Variants in PDE10A observed in about 807,000 individuals in gnomAD.
PDE10A encodes the protein phosphodiesterase 10A, also known as cAMP and cAMP-inhibited cGMP 3',5'-cyclic phosphodiesterase 10A.
A neutral mutation model predicts 97.7 loss-of-function variants in PDE10A; 39 were observed. The observed-to-expected ratio is 0.40, with a 90% confidence interval of 0.31 to 0.52. PDE10A has a LOEUF of 0.52. Ranked by LOEUF, PDE10A falls within the 20% of genes least tolerant of loss-of-function variation. The pLI is 0.56. For synonymous variants in PDE10A, 371 were observed against 376.8 expected (o/e 0.98, Z 0.18); for missense variants, 731 against 1,047.8 (o/e 0.70, Z 4.17).
intron 1 of PDE10A, among the ~76,000 whole-genome samples, chr6:165,551,616 T>C (rs1008054652): frequency 4.6e-5 from 7 of 152,202 alleles, no homozygotes; most frequent in African/African-American, 1.7e-4. Context: ...AGGGTTGGAA[T>C]GAAGATATAA....
chr6:165,799,950 A>T (rs1247164680), intron 1 of PDE10A, among the ~76,000 whole-genome samples: 1 of 152,122 alleles, frequency 6.6e-6, no homozygotes, highest in Non-Finnish European at 1.5e-5. Context: ...CTCCCCTGGG[A>T]CGTCTGTCAG....
At chr6:165,915,516 A>G (rs1782582289) in intron 1 of PDE10A, among the ~76,000 whole-genome samples, 1 of 152,186 alleles carries the variant, frequency 6.6e-6, no homozygotes, top group African/African-American at 2.4e-5. Context: ...CCAGAGAGGC[A>G]GTAACACAAC....
At chr6:165,752,072 G>A (rs998400388) in intron 1 of PDE10A, among the ~76,000 whole-genome samples, 2 of 149,884 alleles carry the variant, frequency 1.3e-5, no homozygotes, top group Non-Finnish European at 3.0e-5. Flanking sequence ...GAACCCGGGA[G>A]CCGGAGCTTG....
At position 165,653,515 on chromosome 6, in the gene PDE10A, T is replaced by C. The variant is rs528530012; in HGVS notation, c.865+8432A>G. Among the ~76,000 whole-genome samples, 123 of 152,088 alleles carry C rather than the reference T, an allele frequency of 8.1e-4. No homozygotes were observed. In the Middle Eastern group the frequency reaches 0.02, roughly 25 times the overall value. ...CATGCGCTGAATCACACTGAGGAAG[T>C]GGAGAGAGACAGAGCAGAAAGGCCA... On this transcript the variant is annotated intron_variant, in intron 1 of 21. Transcript: ENST00000539869.
chr6:165,887,735 C>G (rs1027267913), intron 1 of PDE10A, among the ~76,000 whole-genome samples: 5 of 152,230 alleles, frequency 3.3e-5, no homozygotes, highest in African/African-American at 9.6e-5. Flanking sequence ...TCACCAGTCT[C>G]ACCTTTATCT....
chr6:165,896,718 G>T (rs927635578), intron 1 of PDE10A, among the ~76,000 whole-genome samples: 22 of 151,992 alleles, frequency 1.4e-4, no homozygotes, highest in Admixed American at 1.2e-3. Flanking sequence ...TAGAGATGGG[G>T]TTTCACCGTG....
At chr6:165,853,722 A>G (rs1388404497) in intron 1 of PDE10A, among the ~76,000 whole-genome samples, 1 of 152,184 alleles carries the variant, frequency 6.6e-6, no homozygotes, top group Non-Finnish European at 1.5e-5. Context: ...CCAATCAACC[A>G]CATTTTAGCA....
At chr6:165,432,272 A>C (rs1789629188) in intron 7 of PDE10A, among the ~76,000 whole-genome samples, 1 of 152,246 alleles carries the variant, frequency 6.6e-6, no homozygotes, top group African/African-American at 2.4e-5. Flanking sequence ...TCAAATGTAC[A>C]TGAAGTGTTC....
chr6:165,510,633 C>T (rs1375916350), intron 2 of PDE10A, among the ~76,000 whole-genome samples: 1 of 151,898 alleles, frequency 6.6e-6, no homozygotes, highest in Non-Finnish European at 1.5e-5. Context: ...TGGCAGAATT[C>T]AACAGTGAAT....
chr6:165,464,166 G>C (rs532901935), intron 3 of PDE10A, among the ~76,000 whole-genome samples: 1 of 152,236 alleles, frequency 6.6e-6, no homozygotes, highest in East Asian at 1.9e-4. Flanking sequence ...CCCCAACCGA[G>C]CTGGTCTCGG....
chr6:165,694,713 T>A (rs1791399959), intron 1 of PDE10A, among the ~76,000 whole-genome samples: 1 of 152,172 alleles, frequency 6.6e-6, no homozygotes, highest in South Asian at 2.1e-4. Context: ...GTCAAAAAAA[T>A]TCACCCAGTA....
chr6:165,504,034 T>C (rs1396381159), intron 2 of PDE10A, among the ~76,000 whole-genome samples: 2 of 152,194 alleles, frequency 1.3e-5, no homozygotes, highest in Non-Finnish European at 2.9e-5. Context: ...CAAAAGTGAA[T>C]TAAACATTTA....
At chr6:165,691,484 T>A (rs1209056052) in intron 1 of PDE10A, among the ~76,000 whole-genome samples, 1 of 152,154 alleles carries the variant, frequency 6.6e-6, no homozygotes, top group Non-Finnish European at 1.5e-5. Flanking sequence ...TACTCTGTGA[T>A]GTTCTTAGAC....
intron 1 of PDE10A, among the ~76,000 whole-genome samples, chr6:165,654,866 C>G (rs1170771107): frequency 6.6e-6 from 1 of 152,206 alleles, no homozygotes; most frequent in African/African-American, 2.4e-5. Context: ...TTCTGAACTC[C>G]AGGCCGTGCT....
In PDE10A at chr6:165,617,292, C is replaced by T. The variant is rs915936665; in HGVS notation, c.865+44655G>A. Among the ~76,000 whole-genome samples, 55 of 152,132 alleles carry T rather than the reference C, an allele frequency of 3.6e-4. 2 individuals are homozygous for T. Among genetic ancestry groups the T allele is most frequent in the African/African-American group, 9.7e-5 (4 of 41,430 alleles). ...ATGCCTAAAAATCAGAAAGAGGGAC[C>T]GCTTTACGCATTGCATCTACCGAAG... On this transcript the variant is annotated intron_variant, in intron 1 of 21. Transcript: ENST00000539869.
chr6:165,894,412 C>T (rs1002600919), intron 1 of PDE10A: 1 of 456,042 alleles, frequency 2.2e-6, no homozygotes, highest in Middle Eastern at 3.3e-4. Flanking sequence ...TGAAATTAAA[C>T]AGAGATATAA....
intron 3 of PDE10A, among the ~76,000 whole-genome samples, chr6:165,467,364 C>G (rs944855668): frequency 2.6e-5 from 4 of 152,124 alleles, no homozygotes; most frequent in Non-Finnish European, 4.4e-5. Flanking sequence ...TCATCTAGGA[C>G]CCTTATAACT....
At chr6:165,334,825 T>C (rs964496226) in intron 21 of PDE10A, among the ~76,000 whole-genome samples, 3 of 152,082 alleles carry the variant, frequency 2.0e-5, no homozygotes, top group Admixed American at 6.5e-5. Flanking sequence ...AAACCGTTTC[T>C]TAAATATTAT....
intron 1 of PDE10A, among the ~76,000 whole-genome samples, chr6:165,950,507 G>A (rs1380655735): frequency 2.6e-5 from 4 of 152,152 alleles, no homozygotes; most frequent in East Asian, 1.9e-4. Flanking sequence ...GACACCGGGC[G>A]GGAGCTCCAG....
Sources: allele counts gnomAD v4.1 joint callset (sites outside exome capture counted in the v4.1 genomes callset), GRCh38; gene constraint gnomAD v4.1.1; transcripts MANE v1.5; gene names NCBI Gene and HGNC (gene_info 2026-07-23, HGNC 2026-07-21).